Variants in GPC5 observed in about 807,000 individuals in gnomAD.
The protein encoded by GPC5 is glypican-5.
In GPC5, 47 loss-of-function variants were observed where a neutral mutation model predicts 53.9. The observed-to-expected ratio is 0.87, with a 90% CI of 0.69 to 1.11. GPC5 has a LOEUF of 1.11. Among genes scored for constraint, GPC5 ranks in the 50% most tolerant of loss-of-function variants. The pLI, the probability that GPC5 is intolerant of heterozygous loss-of-function variation, is 0.00. For missense variants in GPC5, 748 were observed against 713.1 expected (o/e 1.05, Z -0.56); for synonymous variants, 286 against 263.3 (o/e 1.09, Z -0.84).
intron 5 of GPC5, among the ~76,000 whole-genome samples, chr13:91,827,400 A>G (rs2038592055): frequency 6.6e-6 from 1 of 151,938 alleles, no homozygotes; most frequent in Non-Finnish European, 1.5e-5. Flanking sequence ...ACGAATTGGA[A>G]TAAATATGCA....
intron 7 of GPC5, among the ~76,000 whole-genome samples, chr13:92,502,409 T>C (rs773793632): frequency 7.2e-5 from 11 of 151,874 alleles, no homozygotes; most frequent in Admixed American, 2.0e-4. Context: ...TAAACACACA[T>C]TTTAAAATAC....
chr13:92,550,790 A>G (rs942246194), intron 7 of GPC5, among the ~76,000 whole-genome samples: 4 of 151,946 alleles, frequency 2.6e-5, no homozygotes, highest in African/African-American at 9.7e-5. Context: ...CAGCAACAAC[A>G]GCAGCATATA....
chr13:91,934,093 T>G (rs1594672598), intron 6 of GPC5, among the ~76,000 whole-genome samples: 2 of 151,958 alleles, frequency 1.3e-5, no homozygotes, highest in East Asian at 3.9e-4. Flanking sequence ...ATTAAGGAAT[T>G]TATTTTTAAA....
intron 7 of GPC5, among the ~76,000 whole-genome samples, chr13:92,603,841 A>G (rs79714792): frequency 0.017 from 2,542 of 152,256 alleles, 81 homozygotes; most frequent in African/African-American, 0.058. Flanking sequence ...CCAAAACTAC[A>G]TCATCATGAG....
Position 92,508,208 on chromosome 13 carries a change from C to T in GPC5, c.1562-358074C>T, listed in dbSNP as rs567287049. Among the ~76,000 whole-genome samples, 46 of 152,254 alleles carry T rather than the reference C, an allele frequency of 3.0e-4. 1 individual carries two copies. In the East Asian group the frequency reaches 8.9e-3, roughly 29 times the overall value. ...TGATCCCATGACTTCGTGATCTTCCCGCCTCGGCCTCCCAAAGTCCTGGGA... is the reference window on the plus strand; with the variant it reads ...TGATCCCATGACTTCGTGATCTTCCTGCCTCGGCCTCCCAAAGTCCTGGGA... On this transcript the variant is annotated intron_variant, in intron 7 of 7. Transcript: ENST00000377067.
chr13:91,565,881 A>G (rs966182731), intron 2 of GPC5, among the ~76,000 whole-genome samples: 2 of 152,054 alleles, frequency 1.3e-5, no homozygotes, highest in Non-Finnish European at 2.9e-5. Context: ...ACTCTATTCC[A>G]TGTTTCTCTT....
At chr13:91,939,572 A>G (rs1458440301) in intron 6 of GPC5, among the ~76,000 whole-genome samples, 1 of 152,196 alleles carries the variant, frequency 6.6e-6, no homozygotes, top group East Asian at 1.9e-4. Flanking sequence ...TCCCAAGCAT[A>G]GAGTTCATGT....
At chr13:91,820,555 C>T (rs748517063) in intron 5 of GPC5, among the ~76,000 whole-genome samples, 12 of 152,070 alleles carry the variant, frequency 7.9e-5, no homozygotes, top group Non-Finnish European at 7.4e-5. Flanking sequence ...TATCTTTGAG[C>T]GTATTATTCT....
chr13:91,869,028 T>TTTTTGTTTTGTTTCGTTTG (rs2138926590), intron 5 of GPC5, among the ~76,000 whole-genome samples: 1 of 152,132 alleles, frequency 6.6e-6, no homozygotes, highest in South Asian at 2.1e-4. Flanking sequence ...ATGGTGTTGT[T>TTTTTGTTTTGTTTCGTTTG]TTTTGTTTTG....
chr13:92,523,038 G>A (rs948007253), intron 7 of GPC5, among the ~76,000 whole-genome samples: 3 of 152,174 alleles, frequency 2.0e-5, no homozygotes, highest in South Asian at 2.1e-4. Flanking sequence ...AAATGATTAC[G>A]ACAATAATTT....
At chr13:92,124,910 T>TA (rs2041682653) in intron 6 of GPC5, among the ~76,000 whole-genome samples, 1 of 152,200 alleles carries the variant, frequency 6.6e-6, no homozygotes, top group African/African-American at 2.4e-5. Context: ...TCTTGTGTTA[T>TA]CTCCCCTTCT....
intron 6 of GPC5, among the ~76,000 whole-genome samples, chr13:92,118,037 TAATC>T (rs1471597312): frequency 1.3e-5 from 2 of 152,160 alleles, no homozygotes; most frequent in Admixed American, 1.3e-4. Flanking sequence ...GTTTTGAAAT[TAATC>T]AGAGAGTCGC....
At chr13:92,363,164 G>A (rs1008117440) in intron 7 of GPC5, among the ~76,000 whole-genome samples, 1 of 151,686 alleles carries the variant, frequency 6.6e-6, no homozygotes, top group Non-Finnish European at 1.5e-5. Flanking sequence ...AGTGGGGCTG[G>A]GTGTTGGGGG....
chr13:91,800,980 G>A (rs1437037093), intron 5 of GPC5, among the ~76,000 whole-genome samples: 2 of 151,672 alleles, frequency 1.3e-5, no homozygotes, highest in African/African-American at 4.8e-5. Flanking sequence ...TTTTTATATT[G>A]TTATATATTT....
Position 92,210,002 on chromosome 13 carries a change from C to G in GPC5, c.1561+65013C>G, listed in dbSNP as rs2042363567. Among the ~76,000 whole-genome samples the G allele has an allele frequency of 4.6e-5, 7 of 152,064 alleles. No individual in the cohort carries two copies. In the South Asian group the frequency reaches 1.5e-3, roughly 32 times the overall value. On this transcript the variant is annotated intron_variant, in intron 7 of 7. Transcript: ENST00000377067. The stretch of plus-strand genomic sequence containing the variant: ...GGGAGGCTAAGTCAGCCTAGTCTTT[C>G]CACGTTCTTCTGCCTGCTTTTATTC...
At chr13:92,124,759 CTG>C (rs1305326108) in intron 6 of GPC5, among the ~76,000 whole-genome samples, 1 of 152,054 alleles carries the variant, frequency 6.6e-6, no homozygotes, top group East Asian at 1.9e-4. Flanking sequence ...TAAAAAAAAA[CTG>C]TAGAGACCAC....
chr13:91,494,997 A>C (rs1884168813), intron 2 of GPC5, among the ~76,000 whole-genome samples: 1 of 152,196 alleles, frequency 6.6e-6, no homozygotes, highest in Non-Finnish European at 1.5e-5. Context: ...ATATCCAACG[A>C]AGTGCTTGAC....
chr13:91,976,402 A>G (rs974933858), intron 6 of GPC5, among the ~76,000 whole-genome samples: 4 of 152,192 alleles, frequency 2.6e-5, no homozygotes, highest in African/African-American at 9.6e-5. Flanking sequence ...TACTGAGACA[A>G]TGAGTATTGC....
chr13:91,900,415 G>A (rs560473037), intron 5 of GPC5, among the ~76,000 whole-genome samples: 2 of 152,180 alleles, frequency 1.3e-5, no homozygotes, highest in African/African-American at 4.8e-5. Context: ...ATGAAGGATA[G>A]CCTTGATCTT....
Sources: gnomAD v4.1 joint callset for allele counts (sites outside exome capture counted in the v4.1 genomes callset) on GRCh38, gnomAD v4.1.1 for gene constraint, MANE v1.5 for transcripts, NCBI Gene and HGNC (gene_info 2026-07-23, HGNC 2026-07-21) for gene names.